Variants in PAN2 observed in about 807,000 individuals in gnomAD.
PAN2 encodes PAN2-PAN3 deadenylation complex catalytic subunit PAN2.
PAN2 carries 68 observed loss-of-function variants against 133.3 expected under a neutral mutation model. The observed-to-expected ratio is 0.51, with a 90% CI of 0.42 to 0.62. The LOEUF (loss-of-function observed/expected upper bound fraction) is 0.62, where lower values mean the gene tolerates loss of function less well. Among genes scored for constraint, PAN2 ranks in the 20% least tolerant of loss-of-function variants. The pLI, the probability that PAN2 is intolerant of heterozygous loss-of-function variation, is 0.00. For missense variants in PAN2, 1,042 were observed against 1,500.5 expected (o/e 0.69, Z 5.05); for synonymous variants, 462 against 544.6 (o/e 0.85, Z 2.11).
At chr12:56,322,365 G>C in intron 19 of PAN2, 58 bp downstream of exon 19, 1 of 1,410,254 alleles carries the variant, frequency 7.1e-7, no homozygotes, top group Non-Finnish European at 1.0e-6. Flanking sequence ...GAGCCCTAAA[G>C]ATAAGGATGC....
In PAN2 at chr12:56,323,486, G is replaced by A. The variant is rs1373002362; in HGVS notation, c.2271+14C>T. On this transcript the variant is annotated intron_variant, in intron 15 of 25. Coordinates refer to ENST00000440411, the MANE Select transcript of PAN2 (RefSeq NM_014871.6). ...AATTATTCCGGAAGCCTTGTTTCTAGTCTGAGTCCTTACCTCAGCCTGCAT... is the reference window on the plus strand; with the variant it reads ...AATTATTCCGGAAGCCTTGTTTCTAATCTGAGTCCTTACCTCAGCCTGCAT... 5 of 1,612,386 alleles carry A rather than the reference G, an allele frequency of 3.1e-6. No individual in the cohort carries two copies. The Admixed American group carries it at 6.7e-5, about 22-fold the overall frequency.
At chr12:56,318,913 G>A (rs188496530) in intron 24 of PAN2, among the ~76,000 whole-genome samples, 175 bp downstream of exon 24, 11 of 152,242 alleles carry the variant, frequency 7.2e-5, no homozygotes, top group Admixed American at 6.5e-4. Context: ...TCATTGTTTA[G>A]TTCCAACTTA....
intron 19 of PAN2, 32 bp downstream of exon 19, chr12:56,322,391 T>TGAAA (rs1372516867): frequency 6.4e-7 from 1 of 1,561,998 alleles, no homozygotes; most frequent in African/African-American, 1.4e-5. Flanking sequence ...AAAGGGGAAA[T>TGAAA]GAAAGAAGAA....
At chr12:56,327,270 C>T (rs186114521) in intron 6 of PAN2, 94 bp downstream of exon 6, 54 of 1,373,396 alleles carry the variant, frequency 3.9e-5, no homozygotes, top group Non-Finnish European at 3.5e-5. Flanking sequence ...TACTTCTTTC[C>T]CCAACAAAGA....
chr12:56,323,983 C>G, intron 13 of PAN2, 66 bp downstream of exon 13: 1 of 1,610,458 alleles, frequency 6.2e-7, no homozygotes, highest in Non-Finnish European at 8.5e-7. Flanking sequence ...ACACCCTCTC[C>G]CTGATATTAC....
chr12:56,323,478 T>G (rs1874788894), intron 15 of PAN2, 22 bp downstream of exon 15: 1 of 1,611,864 alleles, frequency 6.2e-7, no homozygotes, highest in Admixed American at 1.7e-5. Flanking sequence ...CCGGAAGCCT[T>G]GTTTCTAGTC....
In PAN2 at chr12:56,327,989, G is replaced by A; in HGVS notation, c.651+6C>T. 6.2e-7 allele frequency: 1 copy of A among 1,613,790 alleles called. No homozygotes were observed. The highest frequency in any genetic ancestry group is 2.2e-5 in the East Asian group (1 of 44,880). ...TGCAGTGGGAGGAGAAATGGAACTT[G>A]GCCACCTTGCCAGACGTGTGGCCGC... On this transcript the variant is annotated splice_donor_region_variant and intron_variant, in intron 5 of 25. Coordinates refer to ENST00000440411, the MANE Select transcript of PAN2 (RefSeq NM_014871.6).
Position 56,322,502 on chromosome 12 carries a change from G to A in PAN2, c.2638-20C>T, listed in dbSNP as rs1434710740. ...AACGCCCTATGGAAATACAAAGAAA[G>A]CCTGTGGCGATACAAATTGATGGCT... is the stretch of plus-strand genomic sequence containing the variant. On this transcript the variant is annotated intron_variant, in intron 18 of 25. Coordinates refer to ENST00000440411, the MANE Select transcript of PAN2 (RefSeq NM_014871.6). 2 of 1,612,986 alleles carry A rather than the reference G, an allele frequency of 1.2e-6. No homozygotes were observed. Among genetic ancestry groups the A allele is most frequent in the Non-Finnish European group, 1.7e-6 (2 of 1,179,042 alleles).
chr12:56,320,085 A>T, intron 20 of PAN2, 64 bp from the exon 21 acceptor site: 2 of 1,496,920 alleles, frequency 1.3e-6, no homozygotes, highest in Non-Finnish European at 1.9e-6. Context: ...AGAGAAGCCC[A>T]GTGTGGCTGA....
chr12:56,327,910 C>A (rs1875300296), intron 5 of PAN2, 85 bp downstream of exon 5: 2 of 1,587,808 alleles, frequency 1.3e-6, no homozygotes, highest in Non-Finnish European at 1.7e-6. Flanking sequence ...TCCAACTACA[C>A]CCCAGAGTTA....
chr12:56,332,711 C>T (rs1263227136), intron 2 of PAN2, 102 bp downstream of exon 2: 4 of 1,186,856 alleles, frequency 3.4e-6, no homozygotes, highest in African/African-American at 3.0e-5. Flanking sequence ...CTCATCACTA[C>T]AACTCCTCGG....
intron 1 of PAN2, 41 bp from the exon 2 acceptor site, chr12:56,333,249 G>A: frequency 4.3e-6 from 3 of 703,110 alleles, no homozygotes; most frequent in Non-Finnish European, 7.1e-6. Flanking sequence ...GGTAGGCCCA[G>A]GTACTGGTAC....
rs775327956 is a variant in PAN2 at position 56,333,128 on chromosome 12, C to G, written c.-34G>C. 8 of 1,606,070 alleles carry G rather than the reference C, an allele frequency of 5.0e-6. No individual in the cohort carries two copies. The South Asian group carries it at 6.6e-5, about 13-fold the overall frequency. Reference sequence around the variant, plus strand: ...TGGCAGCTTACACCTGTGTCACACCCTCCCTTACCACAGTCCCTTTAGATG... The same window carrying G: ...TGGCAGCTTACACCTGTGTCACACCGTCCCTTACCACAGTCCCTTTAGATG... On this transcript the variant is annotated 5_prime_UTR_variant, in exon 2 of 26. Coordinates refer to ENST00000440411, the MANE Select transcript of PAN2 (RefSeq NM_014871.6).
Position 56,317,449 on chromosome 12 carries a change from C to T in PAN2, c.*160G>A. On this transcript the variant is annotated 3_prime_UTR_variant, in exon 26 of 26. Coordinates refer to ENST00000440411, the MANE Select transcript of PAN2 (RefSeq NM_014871.6). ...TCCTAGAACCTTTGCAACAATTCTG[C>T]TGTGTTCCAGTTCAATTAATAGCAC... is the stretch of plus-strand genomic sequence containing the variant. The T allele has an allele frequency of 1.5e-6, 1 of 648,684 alleles. No individual in the cohort carries two copies. The highest frequency in any genetic ancestry group is 2.8e-6 in the Non-Finnish European group (1 of 358,032). 40.2% of individuals were successfully genotyped at this position (648,684 alleles called of 1,614,324 possible). A position where few individuals can be genotyped will look rare whatever the true frequency, so the allele number is the denominator to read the frequency against.
At position 56,332,813 on chromosome 12, in the gene PAN2, C is replaced by A; in HGVS notation, c.282G>T (p.Gly94=). ...CCTCACAAAGGGGTACAGTTCTTAC[C>A]CCGTGGCTCCCCACCCACAGCATCT... ...HEEMLWVGSH[G]GHATSFFGPA... Residue 94 remains glycine (G), a splice_region_variant and synonymous_variant, in exon 2 of 26, where the codon GGG becomes GGT. Transcript: ENST00000440411. 1 of 1,613,736 alleles carries A rather than the reference C, an allele frequency of 6.2e-7. No individual in the cohort carries two copies. The highest frequency in any genetic ancestry group is 8.5e-7 in the Non-Finnish European group (1 of 1,179,752).
intron 20 of PAN2, among the ~76,000 whole-genome samples, chr12:56,320,699 T>TC (rs1264285002): frequency 7.2e-6 from 1 of 137,968 alleles, no homozygotes; most frequent in Non-Finnish European, 1.5e-5. Flanking sequence ...TGATCAAACA[T>TC]CCCCCCCTCA....
chr12:56,319,612 T>G lies in PAN2; in HGVS notation c.3090+9A>C. On this transcript the variant is annotated intron_variant, in intron 22 of 25. Coordinates refer to ENST00000440411, the MANE Select transcript of PAN2 (RefSeq NM_014871.6). The surrounding 1 kb of genome is among the most constrained non-coding windows in gnomAD (Gnocchi z 5.4). ...GGTGTGCCTCACTTGCATCTCCATA[T>G]CCTAATACCTGCTCCTGGGTAGAGA... The G allele has an allele frequency of 6.2e-7, 1 of 1,602,888 alleles. No homozygotes were observed. The highest frequency in any genetic ancestry group is 1.3e-5 in the African/African-American group (1 of 74,698).
chr12:56,327,847 T>C (rs554535041), intron 5 of PAN2, 148 bp downstream of exon 5: 1 of 1,408,788 alleles, frequency 7.1e-7, no homozygotes, highest in Non-Finnish European at 9.4e-7. Context: ...AATCTCATAG[T>C]AGAACATCAC....
At chr12:56,318,120 T>G in intron 25 of PAN2, 117 bp downstream of exon 25, 364 of 814,140 alleles carry the variant, frequency 4.5e-4, no homozygotes, top group Non-Finnish European at 6.9e-4. Context: ...GAGGCTGCAG[T>G]GAGCTGTAAT....
Sources: gnomAD v4.1 joint callset for allele counts (sites outside exome capture counted in the v4.1 genomes callset) on GRCh38, gnomAD v4.1.1 for gene constraint, Gnocchi (gnomAD v3.1) non-coding constraint, MANE v1.5 for transcripts, NCBI Gene and HGNC (gene_info 2026-07-23, HGNC 2026-07-21) for gene names.